Variants in ADGRL2 observed in about 807,000 individuals in gnomAD.
ADGRL2 encodes adhesion G protein-coupled receptor L2.
ADGRL2 carries 44 observed loss-of-function variants against 157.4 expected under a neutral mutation model. The ratio of observed to expected loss-of-function variants is 0.28; its 90% CI spans 0.22 to 0.36. ADGRL2 has a LOEUF of 0.36. ADGRL2 is among the 10% of genes least tolerant of loss of function. The probability of loss-of-function intolerance (pLI) is 1.00; values close to 1 mark genes in which losing one functional copy is unlikely to be tolerated. For synonymous variants in ADGRL2, 585 were observed against 624.7 expected (o/e 0.94, Z 0.95); for missense variants, 1,510 against 1,768.9 (o/e 0.85, Z 2.63).
At chr1:81,867,480 T>C (rs959099750) in intron 2 of ADGRL2, among the ~76,000 whole-genome samples, 16 of 152,240 alleles carry the variant, frequency 1.1e-4, no homozygotes, top group African/African-American at 3.6e-4. Flanking sequence ...GAGGCAGCTC[T>C]ACTGATCCAT....
chr1:81,832,722 C>T (rs747413783), intron 1 of ADGRL2, among the ~76,000 whole-genome samples: 1 of 152,124 alleles, frequency 6.6e-6, no homozygotes, highest in Non-Finnish European at 1.5e-5. Flanking sequence ...ATTGCCAGCC[C>T]CAGCCCTATC....
At chr1:81,445,379 AT>A (rs1385581871) in intron 2 of ADGRL2, among the ~76,000 whole-genome samples, 1 of 152,178 alleles carries the variant, frequency 6.6e-6, no homozygotes, top group African/African-American at 2.4e-5. Context: ...GATCTTAGGC[AT>A]TTTTCTGCCT....
intron 1 of ADGRL2, among the ~76,000 whole-genome samples, chr1:81,809,261 C>CT (rs1023198141): frequency 2.0e-5 from 3 of 151,782 alleles, no homozygotes; most frequent in East Asian, 3.9e-4. Flanking sequence ...CTTTGGAGGA[C>CT]TTTTTTTGCG....
intron 2 of ADGRL2, among the ~76,000 whole-genome samples, chr1:81,532,695 A>T (rs1201586878): frequency 6.6e-6 from 1 of 152,034 alleles, no homozygotes; most frequent in African/African-American, 2.4e-5. Context: ...CAAGAGGATC[A>T]CTTGAGCCCA....
intron 2 of ADGRL2, among the ~76,000 whole-genome samples, chr1:81,565,998 G>A (rs1377802458): frequency 6.6e-6 from 1 of 152,144 alleles, no homozygotes; most frequent in Admixed American, 6.6e-5. Flanking sequence ...GCTTTGCAGA[G>A]GGGTACAGAA....
At chr1:81,988,140 C>G (rs1176720692) in intron 23 of ADGRL2, among the ~76,000 whole-genome samples, 2 of 152,038 alleles carry the variant, frequency 1.3e-5, no homozygotes, top group Admixed American at 1.3e-4. Flanking sequence ...CTCTATAAAG[C>G]CTGAAGTACT....
chr1:81,434,690 T>C (rs904481114), intron 1 of ADGRL2, among the ~76,000 whole-genome samples: 1 of 152,178 alleles, frequency 6.6e-6, no homozygotes, highest in Admixed American at 6.5e-5. Context: ...AAAATTAGAA[T>C]GAGTATCATC....
At chr1:81,962,068 A>G (rs1209509429) in intron 11 of ADGRL2, among the ~76,000 whole-genome samples, 1 of 152,122 alleles carries the variant, frequency 6.6e-6, no homozygotes, top group Non-Finnish European at 1.5e-5. Flanking sequence ...CTCCCTAGAA[A>G]TAGAATTTTT....
intron 3 of ADGRL2, among the ~76,000 whole-genome samples, chr1:81,606,928 A>G (rs1435347772): frequency 1.3e-5 from 2 of 152,190 alleles, no homozygotes; most frequent in African/African-American, 4.8e-5. Flanking sequence ...ATTTTAGACA[A>G]TGAAATGCCT....
chr1:81,396,558 G>T (rs963992760), intron 1 of ADGRL2, among the ~76,000 whole-genome samples: 5 of 152,094 alleles, frequency 3.3e-5, no homozygotes, highest in African/African-American at 1.2e-4. Context: ...GTGAGAGTGG[G>T]CATCCTTGTC....
chr1:81,456,198 T>G (rs2077802016), intron 2 of ADGRL2, among the ~76,000 whole-genome samples: 2 of 152,032 alleles, frequency 1.3e-5, no homozygotes, highest in Non-Finnish European at 2.9e-5. Context: ...GGCAAATGCT[T>G]GTATTATACA....
At chr1:81,473,663 G>A (rs780390469) in intron 2 of ADGRL2, among the ~76,000 whole-genome samples, 41 of 152,190 alleles carry the variant, frequency 2.7e-4, no homozygotes, top group Non-Finnish European at 4.1e-4. Context: ...CCTATCACCC[G>A]TCTCCAGGTT....
Position 81,874,926 on chromosome 1 carries a change from C to G in ADGRL2, c.74-32091C>G, listed in dbSNP as rs143511338. Among the ~76,000 whole-genome samples the G allele has an allele frequency of 3.4e-3, 519 of 152,196 alleles. 8 individuals are homozygous for G. Among genetic ancestry groups the G allele is most frequent in the South Asian group, 0.033 (160 of 4,824 alleles). ...CTCACCACATTGGCCAGGCTGGTCT[C>G]AAACTTCTGGTCTTAGGTGATCCAC... On this transcript the variant is annotated intron_variant, in intron 2 of 23. Coordinates refer to ENST00000686636, the MANE Select transcript of ADGRL2 (RefSeq NM_001366006.2).
At chr1:81,806,724 C>T (rs564700855) in intron 1 of ADGRL2, among the ~76,000 whole-genome samples, 34 of 152,038 alleles carry the variant, frequency 2.2e-4, no homozygotes, top group Admixed American at 4.6e-4. Flanking sequence ...ATACTTGTAC[C>T]TACCTAAAAG....
intron 15 of ADGRL2, among the ~76,000 whole-genome samples, chr1:81,970,085 C>G (rs1258703247): frequency 1.3e-5 from 2 of 152,074 alleles, no homozygotes; most frequent in Non-Finnish European, 2.9e-5. Flanking sequence ...CTTGATGAAA[C>G]CTAGCACACT....
intron 2 of ADGRL2, among the ~76,000 whole-genome samples, chr1:81,447,052 A>G (rs1032650240): frequency 6.6e-6 from 1 of 152,144 alleles, no homozygotes; most frequent in Non-Finnish European, 1.5e-5. Context: ...ATACTATTAT[A>G]ATTTTTATAT....
chr1:81,911,201 A>C (rs553597280), intron 3 of ADGRL2, among the ~76,000 whole-genome samples: 4 of 152,188 alleles, frequency 2.6e-5, no homozygotes, highest in African/African-American at 4.8e-5. Flanking sequence ...ATACTGTCTT[A>C]AGTATTCTGA....
intron 1 of ADGRL2, among the ~76,000 whole-genome samples, chr1:81,818,086 C>A (rs2090598670): frequency 6.6e-6 from 1 of 151,952 alleles, no homozygotes; most frequent in African/African-American, 2.4e-5. Flanking sequence ...GGGAGGATTG[C>A]TTGAGCCCAT....
At chr1:81,582,419 C>A (rs1479255630) in intron 3 of ADGRL2, among the ~76,000 whole-genome samples, 1 of 151,890 alleles carries the variant, frequency 6.6e-6, no homozygotes, top group East Asian at 1.9e-4. Context: ...TAAAAAGACT[C>A]CCCCTTAAAA....
Sources: gnomAD v4.1 joint callset for allele counts (sites outside exome capture counted in the v4.1 genomes callset) on GRCh38, gnomAD v4.1.1 for gene constraint, MANE v1.5 for transcripts, NCBI Gene and HGNC (gene_info 2026-07-23, HGNC 2026-07-21) for gene names.